TENM2: variants seen among roughly 807,000 people sequenced by gnomAD.
TENM2 encodes teneurin-2.
In TENM2, 52 loss-of-function variants were observed where a neutral mutation model predicts 245.2. The observed-to-expected ratio is 0.21, with a 90% CI of 0.17 to 0.27. TENM2 has a LOEUF of 0.27. Ranked by LOEUF, TENM2 falls within the 10% of genes least tolerant of loss-of-function variation. TENM2 has a pLI of 1.00. For missense variants in TENM2, 3,046 were observed against 3,666.8 expected (o/e 0.83, Z 4.37); for synonymous variants, 1,363 against 1,438.9 (o/e 0.95, Z 1.19).
chr5:168,260,224 T>G (rs1768058327), intron 27 of TENM2, 59 bp from the exon 30 acceptor site: 1 of 1,594,824 alleles, frequency 6.3e-7, no homozygotes, highest in African/African-American at 1.3e-5. Context: ...CTTTAAGCTC[T>G]GCTGCTGCTC....
chr5:167,436,745 T>A (rs1764577205), intron 2 of TENM2, among the ~76,000 whole-genome samples: 1 of 152,102 alleles, frequency 6.6e-6, no homozygotes, highest in South Asian at 2.1e-4. Flanking sequence ...TCCCACCCAC[T>A]GCAGCCATGA....
intron 2 of TENM2, among the ~76,000 whole-genome samples, chr5:167,800,968 T>C (rs1053339795): frequency 6.6e-6 from 1 of 151,686 alleles, no homozygotes; most frequent in African/African-American, 2.4e-5. Flanking sequence ...ACTTCACTTC[T>C]ATGTTTCAAA....
chr5:168,228,108 C>T (rs1181838875), exon 25 of TENM2: 4 of 1,611,972 alleles, frequency 2.5e-6, no homozygotes, highest in Non-Finnish European at 3.4e-6. Flanking sequence ...GGCAAAGTCA[C>T]CATCTTTGGC....
intron 7 of TENM2, among the ~76,000 whole-genome samples, chr5:168,063,512 A>T (rs1790226706): frequency 6.6e-6 from 1 of 152,176 alleles, no homozygotes; most frequent in African/African-American, 2.4e-5. Context: ...CATAAGGTAC[A>T]TTAGGAAAAA....
intron 2 of TENM2, among the ~76,000 whole-genome samples, chr5:167,597,977 A>G (rs1776338796): frequency 6.6e-6 from 1 of 152,194 alleles, no homozygotes. Flanking sequence ...CAAACCTGTG[A>G]ATAACAGAAT....
chr5:167,152,005 A>G, the TENM2 span, among the ~76,000 whole-genome samples: 2 of 152,174 alleles, frequency 1.3e-5, no homozygotes, highest in Non-Finnish European at 2.9e-5. Flanking sequence ...GATGCCTAGT[A>G]GTTAAGCCAG....
chr5:167,603,781 A>C (rs1776822575), intron 2 of TENM2, among the ~76,000 whole-genome samples: 1 of 152,236 alleles, frequency 6.6e-6, no homozygotes. Context: ...TTGAGGAGAC[A>C]GGAAGTACCT....
At chr5:167,154,102 C>T in the TENM2 span, among the ~76,000 whole-genome samples, 3 of 152,060 alleles carry the variant, frequency 2.0e-5, no homozygotes, top group Non-Finnish European at 2.9e-5. Flanking sequence ...TTTATATTGT[C>T]CAGACCAGAA....
At chr5:167,398,377 C>CCTTCCTTTCTTTCTTTCTTT (rs1453039008) in intron 2 of TENM2, among the ~76,000 whole-genome samples, 2 of 137,080 alleles carry the variant, frequency 1.5e-5, no homozygotes, top group African/African-American at 5.5e-5. Context: ...TTTCTTTCTT[C>CCTTCCTTTCTTTCTTTCTTT]CTTTCTTTCT....
intron 1 of TENM2, among the ~76,000 whole-genome samples, chr5:167,315,898 T>C (rs957549137): frequency 2.0e-5 from 3 of 152,198 alleles, no homozygotes; most frequent in African/African-American, 7.2e-5. Flanking sequence ...GCTAGAGTTA[T>C]AGAAATCCAC....
At chr5:167,072,095 G>A in the TENM2 span, among the ~76,000 whole-genome samples, 10 of 152,082 alleles carry the variant, frequency 6.6e-5, no homozygotes, top group Admixed American at 5.9e-4. Context: ...CACTCAAGAT[G>A]GGTTCAGCCA....
intron 4 of TENM2, among the ~76,000 whole-genome samples, chr5:167,968,168 T>TA (rs1781516716): frequency 6.6e-6 from 1 of 152,208 alleles, no homozygotes; most frequent in Admixed American, 6.5e-5. Context: ...TGGGAATGTT[T>TA]AAAAAAACTT....
chr5:167,621,743 T>G (rs578057143), intron 2 of TENM2, among the ~76,000 whole-genome samples: 1 of 152,284 alleles, frequency 6.6e-6, no homozygotes, highest in African/African-American at 2.4e-5. Flanking sequence ...TTGGATAAAC[T>G]GAGCTGGGTT....
chr5:167,172,593 C>T, the TENM2 span, among the ~76,000 whole-genome samples: 9 of 149,470 alleles, frequency 6.0e-5, no homozygotes, highest in African/African-American at 1.5e-4. Flanking sequence ...GAACTTTTTA[C>T]GTTTTTTTTC....
chr5:167,116,592 C>T, the TENM2 span: 1 of 152,118 alleles, frequency 6.6e-6, no homozygotes, highest in African/African-American at 2.4e-5. Context: ...TCCCTCACTC[C>T]AACCTTTGGG....
chr5:167,401,181 A>G (rs1006384128), intron 2 of TENM2, among the ~76,000 whole-genome samples: 1 of 152,150 alleles, frequency 6.6e-6, no homozygotes, highest in African/African-American at 2.4e-5. Context: ...GTACATATGT[A>G]GAGATCTTGC....
chr5:167,434,412 CAAAAAAAAAA>C (rs61683445), intron 2 of TENM2, among the ~76,000 whole-genome samples: 1 of 74,480 alleles, frequency 1.3e-5, no homozygotes, highest in African/African-American at 5.0e-5. Context: ...GACTCTATCT[CAAAAAAAAAA>C]AAAAAAAAAA....
the TENM2 span, among the ~76,000 whole-genome samples, chr5:166,983,981 A>G: frequency 1.3e-5 from 2 of 152,154 alleles, no homozygotes; most frequent in Non-Finnish European, 2.9e-5. Flanking sequence ...ATGCAGATCT[A>G]TAAAAGTATA....
chr5:167,469,802 A>G (rs1197501415), intron 2 of TENM2, among the ~76,000 whole-genome samples: 1 of 152,132 alleles, frequency 6.6e-6, no homozygotes, highest in Non-Finnish European at 1.5e-5. Context: ...AAGAAACTAA[A>G]TAATGGAGAC....
Sources: gnomAD v4.1 joint callset for allele counts (sites outside exome capture counted in the v4.1 genomes callset) on GRCh38, gnomAD v4.1.1 for gene constraint, MANE v1.5 for transcripts, NCBI Gene and HGNC (gene_info 2026-07-23, HGNC 2026-07-21) for gene names.